Variants in NRG1 observed in about 807,000 individuals in gnomAD.
The protein encoded by NRG1 is neuregulin 1.
NRG1 carries 18 observed loss-of-function variants against 63.8 expected under a neutral mutation model. The ratio of observed to expected loss-of-function variants is 0.28; its 90% CI spans 0.19 to 0.42. NRG1 has a LOEUF of 0.42. NRG1 is among the 10% of genes least tolerant of loss of function. The probability of loss-of-function intolerance (pLI) is 1.00; values close to 1 mark genes in which losing one functional copy is unlikely to be tolerated. For missense variants in NRG1, 762 were observed against 814.7 expected (o/e 0.94, Z 0.79); for synonymous variants, 302 against 301.3 (o/e 1.00, Z -0.02).
chr8:31,872,944 A>G (rs1223971463), intron 1 of NRG1, among the ~76,000 whole-genome samples: 1 of 152,212 alleles, frequency 6.6e-6, no homozygotes, highest in African/African-American at 2.4e-5. Context: ...ATTAAGGCAT[A>G]TTTGGTTTCA....
chr8:32,189,473 G>A (rs1377451285), intron 1 of NRG1, among the ~76,000 whole-genome samples: 7 of 152,086 alleles, frequency 4.6e-5, no homozygotes, highest in Admixed American at 2.0e-4. Flanking sequence ...AACAGAGCAC[G>A]GTCCTGGCTC....
At chr8:32,149,525 A>G (rs1052251131) in intron 1 of NRG1, among the ~76,000 whole-genome samples, 1 of 152,058 alleles carries the variant, frequency 6.6e-6, no homozygotes, top group African/African-American at 2.4e-5. Context: ...ATTTAATACA[A>G]ATTTCTCTGT....
intron 6 of NRG1, among the ~76,000 whole-genome samples, chr8:32,739,670 G>T (rs1825885582): frequency 6.6e-6 from 1 of 152,090 alleles, no homozygotes; most frequent in African/African-American, 2.4e-5. Context: ...TCACAGAACT[G>T]GTTATAAGAT....
intron 1 of NRG1, among the ~76,000 whole-genome samples, chr8:32,116,971 C>CAAA (rs756283492): frequency 0.02 from 563 of 27,968 alleles, no homozygotes; most frequent in Non-Finnish European, 0.029. Flanking sequence ...CCTGTCTCTA[C>CAAA]AAAAAAAAAA....
At chr8:31,707,007 C>A (rs1811216586) in intron 1 of NRG1, among the ~76,000 whole-genome samples, 1 of 151,314 alleles carries the variant, frequency 6.6e-6, no homozygotes, top group African/African-American at 2.4e-5. Context: ...ATCTTTTTTT[C>A]TATTTTTGTT....
chr8:32,586,158 C>CTATATA (rs5890660), intron 1 of NRG1, among the ~76,000 whole-genome samples: 2 of 146,356 alleles, frequency 1.4e-5, no homozygotes, highest in African/African-American at 5.0e-5. Context: ...GTTGAAAGTA[C>CTATATA]TATATATATA....
intron 1 of NRG1, among the ~76,000 whole-genome samples, chr8:32,152,647 A>T (rs2131837331): frequency 6.6e-6 from 1 of 152,328 alleles, no homozygotes; most frequent in African/African-American, 2.4e-5. Context: ...ATTATGTTTC[A>T]CAAGTTGATT....
At chr8:32,693,307 C>T (rs1033195414) in intron 5 of NRG1, among the ~76,000 whole-genome samples, 2 of 151,772 alleles carry the variant, frequency 1.3e-5, no homozygotes, top group Non-Finnish European at 2.9e-5. Flanking sequence ...CAACCTCCGC[C>T]TTCTGGGTTC....
intron 5 of NRG1, among the ~76,000 whole-genome samples, chr8:32,634,962 A>C (rs1851049772): frequency 6.6e-6 from 1 of 152,222 alleles, no homozygotes. Context: ...AAATAAGAAC[A>C]ATATCAGTTA....
chr8:32,507,006 T>C (rs574313519), intron 1 of NRG1, among the ~76,000 whole-genome samples: 149 of 152,260 alleles, frequency 9.8e-4, no homozygotes, highest in African/African-American at 3.5e-3. Context: ...GTATTAGACA[T>C]CCACTTCGTT....
At chr8:32,493,899 A>G (rs1826895293) in intron 1 of NRG1, among the ~76,000 whole-genome samples, 1 of 152,198 alleles carries the variant, frequency 6.6e-6, no homozygotes, top group Admixed American at 6.5e-5. Context: ...TTCTATGGTT[A>G]TAAAATCTAT....
chr8:32,587,010 G>C (rs1841735137), intron 1 of NRG1, among the ~76,000 whole-genome samples: 2 of 152,084 alleles, frequency 1.3e-5, no homozygotes, highest in Non-Finnish European at 2.9e-5. Flanking sequence ...TGAAGTGTTT[G>C]AGACCAGCCT....
intron 1 of NRG1, among the ~76,000 whole-genome samples, chr8:32,229,920 G>A (rs1187563622): frequency 2.0e-5 from 3 of 151,892 alleles, no homozygotes; most frequent in Admixed American, 6.6e-5. Flanking sequence ...AGAAATAGCT[G>A]TCCTGCCCCA....
At chr8:32,019,801 T>C (rs1410989732) in intron 1 of NRG1, among the ~76,000 whole-genome samples, 1 of 152,214 alleles carries the variant, frequency 6.6e-6, no homozygotes, top group African/African-American at 2.4e-5. Context: ...AGACTATCCT[T>C]TTCTCCCATT....
chr8:32,750,710 CA>C (rs34624230), intron 7 of NRG1, among the ~76,000 whole-genome samples: 242 of 124,324 alleles, frequency 1.9e-3, no homozygotes, highest in Middle Eastern at 8.7e-3. Flanking sequence ...ATTTCTTCCT[CA>C]AAAAAAAAAA....
intron 1 of NRG1, among the ~76,000 whole-genome samples, chr8:32,454,407 G>T (rs2129488293): frequency 6.6e-6 from 1 of 151,640 alleles, no homozygotes; most frequent in African/African-American, 2.4e-5. Context: ...TTTCTTTTTT[G>T]ACATGTATTA....
chr8:32,014,905 A>G (rs1406582018), intron 1 of NRG1, among the ~76,000 whole-genome samples: 1 of 152,114 alleles, frequency 6.6e-6, no homozygotes, highest in African/African-American at 2.4e-5. Flanking sequence ...AAGAGGATGA[A>G]GGCAGTGATC....
intron 1 of NRG1, among the ~76,000 whole-genome samples, chr8:31,703,695 C>G (rs1339312088): frequency 2.6e-5 from 4 of 152,164 alleles, no homozygotes; most frequent in Non-Finnish European, 2.9e-5. Context: ...AGAAACTGGT[C>G]TGTAGACCTG....
At chr8:32,208,285 ATT>A (rs201717794) in intron 1 of NRG1, among the ~76,000 whole-genome samples, 16 of 142,422 alleles carry the variant, frequency 1.1e-4, no homozygotes, top group Admixed American at 1.4e-4. Flanking sequence ...AAGTGTTTTA[ATT>A]TTTTTTTTTT....
Sources: allele counts gnomAD v4.1 joint callset (sites outside exome capture counted in the v4.1 genomes callset), GRCh38; gene constraint gnomAD v4.1.1; transcripts MANE v1.5; gene names NCBI Gene and HGNC (gene_info 2026-07-23, HGNC 2026-07-21).